The following HNRNPLL variants were observed in gnomAD, a reference collection of about 807,000 sequenced individuals.
HNRNPLL encodes the protein heterogeneous nuclear ribonucleoprotein L-like.
A neutral mutation model predicts 67.1 loss-of-function variants in HNRNPLL; 25 were observed. That is an observed-to-expected ratio of 0.37 (90% CI 0.27 to 0.52). The LOEUF (loss-of-function observed/expected upper bound fraction) is 0.52. Among genes scored for constraint, HNRNPLL ranks in the 20% least tolerant of loss-of-function variants. The probability of loss-of-function intolerance (pLI) is 0.90; values close to 1 mark genes in which losing one functional copy is unlikely to be tolerated. For synonymous variants in HNRNPLL, 267 were observed against 241.7 expected (o/e 1.10, Z -0.97); for missense variants, 542 against 673.9 (o/e 0.80, Z 2.17).
At chr2:38,564,705 G>A (rs1665789623) in intron 12 of HNRNPLL, among the ~76,000 whole-genome samples, 1 of 151,594 alleles carries the variant, frequency 6.6e-6, no homozygotes, top group Admixed American at 6.6e-5. Context: ...GCTCATGAAG[G>A]CAGGGACTTT....
At chr2:38,576,307 C>G (rs143090377) in intron 7 of HNRNPLL, among the ~76,000 whole-genome samples, 44 of 151,812 alleles carry the variant, frequency 2.9e-4, no homozygotes, top group African/African-American at 8.4e-4. Flanking sequence ...TTTTGTAACC[C>G]TCCATTATCA....
At chr2:38,564,646 TC>T (rs1466779218) in intron 12 of HNRNPLL, among the ~76,000 whole-genome samples, 1 of 150,604 alleles carries the variant, frequency 6.6e-6, no homozygotes, top group East Asian at 2.0e-4. Flanking sequence ...AAGTAAAATT[TC>T]TAAGTAAAGT....
chr2:38,578,467 A>T (rs529180464), intron 6 of HNRNPLL, among the ~76,000 whole-genome samples: 1 of 152,234 alleles, frequency 6.6e-6, no homozygotes, highest in Admixed American at 6.5e-5. Context: ...GACTCTGGTC[A>T]TTCTAATCCT....
intron 8 of HNRNPLL, among the ~76,000 whole-genome samples, chr2:38,572,206 T>C (rs1666116623): frequency 7.0e-6 from 1 of 142,698 alleles, no homozygotes; most frequent in African/African-American, 2.9e-5. Flanking sequence ...CCAGACCAAA[T>C]GTGGAATGTT....
Position 38,585,727 on chromosome 2 carries a change from G to C in HNRNPLL, c.463C>G (p.Arg155Gly). 6.2e-7 allele frequency: 1 copy of C among 1,613,716 alleles called. No homozygotes were observed. Among genetic ancestry groups the C allele is most frequent in the Non-Finnish European group, 8.5e-7 (1 of 1,179,658 alleles). ...FNYSTSKRITRPGNTDDPSGG... is the reference protein window; with the variant it reads ...FNYSTSKRITGPGNTDDPSGG... ...GATGGATCATCAGTATTTCCTGGCCGAGTGATCCTTTTGCTTGTAGAATAG... is the reference window on the plus strand; with the variant it reads ...GATGGATCATCAGTATTTCCTGGCCCAGTGATCCTTTTGCTTGTAGAATAG... Residue 155 changes from arginine (R) to glycine (G), a missense_variant, in exon 3 of 13, where the codon CGG (arginine) becomes GGG (glycine). Arg to Gly is a moderately radical substitution (Grantham distance 125). This residue lies in a region of HNRNPLL where 415 missense variants were observed against 575.2 expected (regional missense o/e 0.72). Transcript: ENST00000449105.
At chr2:38,569,967 T>A in intron 8 of HNRNPLL, 42 bp from the exon 9 acceptor site, 1 of 1,451,342 alleles carries the variant, frequency 6.9e-7, no homozygotes, top group Non-Finnish European at 9.4e-7. Flanking sequence ...TTTAATTCCC[T>A]TTTACAGTAA....
At chr2:38,576,033 T>C (rs190935717) in intron 7 of HNRNPLL, among the ~76,000 whole-genome samples, 4 of 151,894 alleles carry the variant, frequency 2.6e-5, no homozygotes, top group African/African-American at 7.2e-5. Context: ...AATTTCACAA[T>C]AGGCTTTTTA....
At chr2:38,598,849 A>T (rs773887226) in intron 1 of HNRNPLL, among the ~76,000 whole-genome samples, 5 of 152,202 alleles carry the variant, frequency 3.3e-5, no homozygotes, top group African/African-American at 4.8e-5. Context: ...AGGCCTAAAA[A>T]TCCTCACTCT....
intron 1 of HNRNPLL, among the ~76,000 whole-genome samples, chr2:38,593,296 G>A (rs187834309): frequency 3.1e-4 from 47 of 152,276 alleles, no homozygotes; most frequent in Admixed American, 2.2e-3. Flanking sequence ...AAATGTGCAT[G>A]TATCATCATT....
At chr2:38,565,509 CA>C (rs1358695087) in intron 12 of HNRNPLL, among the ~76,000 whole-genome samples, 3 of 151,916 alleles carry the variant, frequency 2.0e-5, no homozygotes, top group African/African-American at 7.3e-5. Context: ...AGTTCAAGAC[CA>C]CCAGCCTGGG....
At chr2:38,590,065 G>A (rs1293591242) in intron 2 of HNRNPLL, among the ~76,000 whole-genome samples, 1 of 152,160 alleles carries the variant, frequency 6.6e-6, no homozygotes, top group Non-Finnish European at 1.5e-5. Flanking sequence ...CCAAATGACT[G>A]AGAATTGATA....
intron 2 of HNRNPLL, among the ~76,000 whole-genome samples, chr2:38,588,522 G>C (rs1157189508): frequency 7.5e-6 from 1 of 133,662 alleles, no homozygotes; most frequent in African/African-American, 3.2e-5. Flanking sequence ...GCACCAGCTT[G>C]GGTGACAGAG....
rs142500247 is a variant in HNRNPLL at position 38,566,027 on chromosome 2, T to C, written c.1574-1790A>G. ...ACCACACCCAATAATGTTCCCCTAT[T>C]ATTTAAATACCCTGGAGATCCAGGA... On this transcript the variant is annotated intron_variant, in intron 12 of 12. Transcript: ENST00000449105. The C allele has an allele frequency of 4.9e-3, 4,886 of 987,592 alleles. 16 individuals are homozygous for C. Among genetic ancestry groups the C allele is most frequent in the Non-Finnish European group, 5.5e-3 (4,599 of 829,650 alleles). 61.2% of individuals were successfully genotyped at this position (987,592 alleles called of 1,614,324 possible).
At chr2:38,586,282 A>G (rs1162679835) in intron 2 of HNRNPLL, among the ~76,000 whole-genome samples, 1 of 152,112 alleles carries the variant, frequency 6.6e-6, no homozygotes, top group African/African-American at 2.4e-5. Flanking sequence ...CGGCCTCCCA[A>G]AGTGCTGGGA....
intron 2 of HNRNPLL, among the ~76,000 whole-genome samples, 157 bp from the exon 3 acceptor site, chr2:38,586,038 T>C (rs1558540107): frequency 1.3e-5 from 2 of 152,224 alleles, no homozygotes; most frequent in Non-Finnish European, 2.9e-5. Flanking sequence ...TTTTTTTTTT[T>C]TGAGACGGAG....
Position 38,602,582 on chromosome 2 carries a change from G to A in HNRNPLL, c.45C>T (p.Asp15=). The change falls in exon 1 of 13, where the codon GAC becomes GAT. Residue 15 remains aspartate, a synonymous_variant. Transcript: ENST00000449105. The part of the protein sequence containing the change: ...SSSPRETYEE[D]REYESQAKRL... ...GCTTGGCCTGGCTCTCGTACTCCCG[G>A]TCCTCCTCGTACGTCTCCCTGGGGG... 1.3e-6 allele frequency: 2 copies of A among 1,574,180 alleles called. No homozygotes were observed. Among genetic ancestry groups the A allele is most frequent in the Non-Finnish European group, 1.7e-6 (2 of 1,161,998 alleles).
chr2:38,573,220 T>C lies in HNRNPLL; in HGVS notation c.1082A>G (p.Asn361Ser). 3 of 1,589,032 alleles carry C rather than the reference T, an allele frequency of 1.9e-6. No individual in the cohort carries two copies. The highest frequency in any genetic ancestry group is 2.6e-6 in the Non-Finnish European group (3 of 1,170,298). The change falls in exon 8 of 13, where the codon AAT becomes AGT. Residue 361 changes from asparagine to serine, a missense_variant. Physicochemically the swap from Asn to Ser is conservative, Grantham distance 46. Transcript: ENST00000449105. ...RVFNLFCLYG[N>S]IEKVKFMKTI... ...TAAAGAGAAACTTACCTTCTCAATA[T>C]TTCCATATAAGCAGAACAGGTTGAA...
rs978181503 is a variant in HNRNPLL, at chr2:38,562,212, T to C, written c.*1970A>G. Reference sequence around the variant, plus strand: ...TAACAGCAGTCATGCCTAAGTAAACTATCAAAAACATTAGTGACAGCAGCA... The same window carrying C: ...TAACAGCAGTCATGCCTAAGTAAACCATCAAAAACATTAGTGACAGCAGCA... On this transcript the variant is annotated 3_prime_UTR_variant, in exon 13 of 13. Transcript: ENST00000449105. 7 of 152,276 alleles carry C rather than the reference T, an allele frequency of 4.6e-5. No individual in the cohort carries two copies. Among genetic ancestry groups the C allele is most frequent in the South Asian group, 2.1e-4 (1 of 4,818 alleles). 9.4% of individuals were successfully genotyped at this position (152,276 alleles called of 1,614,324 possible).
intron 2 of HNRNPLL, among the ~76,000 whole-genome samples, chr2:38,587,807 C>A (rs913883386): frequency 6.6e-6 from 1 of 152,028 alleles, no homozygotes; most frequent in African/African-American, 2.4e-5. Flanking sequence ...GAATTGTGAT[C>A]GCCGATGTAG....
Sources: allele counts gnomAD v4.1 joint callset (sites outside exome capture counted in the v4.1 genomes callset), GRCh38; gene constraint gnomAD v4.1.1; regional missense constraint gnomAD v4.1.1; transcripts MANE v1.5; gene names NCBI Gene and HGNC (gene_info 2026-07-23, HGNC 2026-07-21).